CFAP36: variants seen among roughly 807,000 people sequenced by gnomAD.
The protein encoded by CFAP36 is cilia- and flagella-associated protein 36.
A neutral mutation model predicts 50.5 loss-of-function variants in CFAP36; 37 were observed. That is an observed-to-expected ratio of 0.73 (90% CI 0.56 to 0.96). The LOEUF (loss-of-function observed/expected upper bound fraction) is 0.96. CFAP36 is among the 50% of genes least tolerant of loss of function. CFAP36 has a pLI of 0.00. For synonymous variants in CFAP36, 138 were observed against 128.2 expected, an observed-to-expected ratio of 1.08 and a Z score of -0.52; for missense variants, 407 against 396.2, an observed-to-expected ratio of 1.03 and a Z score of -0.23.
At position 55,544,215 on chromosome 2, in the gene CFAP36, C is replaced by T. The variant is rs1282387545; in HGVS notation, c.778-5C>T. 1 of 1,611,960 alleles carries T rather than the reference C, an allele frequency of 6.2e-7. No homozygotes were observed. The highest frequency in any genetic ancestry group is 1.7e-5 in the Admixed American group (1 of 59,362). ...TTAGATAGCTCCTTTTCTTACTTGA[C>T]CCAGAACTTATCAGTACTTGGAACA... On this transcript the variant is annotated splice_region_variant and splice_polypyrimidine_tract_variant and intron_variant, in intron 8 of 9. Transcript: ENST00000349456.
At chr2:55,521,038 A>C (rs1209364638) in intron 1 of CFAP36, among the ~76,000 whole-genome samples, 1 of 152,212 alleles carries the variant, frequency 6.6e-6, no homozygotes, top group South Asian at 2.1e-4. Flanking sequence ...TTAAATTCCA[A>C]GATATCATGA....
At chr2:55,535,832 T>C in intron 6 of CFAP36, 69 bp downstream of exon 6, 1 of 1,493,320 alleles carries the variant, frequency 6.7e-7, no homozygotes, top group Middle Eastern at 1.8e-4. Flanking sequence ...ACCTAGATCT[T>C]ACTATTAAAA....
At chr2:55,542,740 C>G (rs1384733330) in intron 7 of CFAP36, among the ~76,000 whole-genome samples, 1 of 152,208 alleles carries the variant, frequency 6.6e-6, no homozygotes, top group Non-Finnish European at 1.5e-5. Flanking sequence ...ATTATTTGAA[C>G]TGTCCCTTCT....
intron 9 of CFAP36, among the ~76,000 whole-genome samples, 154 bp from the exon 10 acceptor site, chr2:55,544,753 G>A (rs1198720229): frequency 1.3e-5 from 2 of 152,084 alleles, no homozygotes; most frequent in East Asian, 1.9e-4. Flanking sequence ...GAGACTTTAC[G>A]AAGAAGAGAT....
chr2:55,526,898 C>A (rs556774935), intron 3 of CFAP36, among the ~76,000 whole-genome samples: 1 of 152,156 alleles, frequency 6.6e-6, no homozygotes, highest in African/African-American at 2.4e-5. Context: ...CATGGTGACA[C>A]GCTGCTGTAG....
At chr2:55,530,786 T>A (rs4671247) in intron 4 of CFAP36, among the ~76,000 whole-genome samples, 13,602 of 152,278 alleles carry the variant, frequency 0.089, 747 homozygotes, top group South Asian at 0.14. Flanking sequence ...TAGATTGCCA[T>A]GATATTTTTT....
chr2:55,536,791 C>G (rs1162812894), intron 6 of CFAP36, among the ~76,000 whole-genome samples: 1 of 151,732 alleles, frequency 6.6e-6, no homozygotes, highest in Non-Finnish European at 1.5e-5. Flanking sequence ...ATTGCCCAGG[C>G]TAGAGTGCAG....
Position 55,539,096 on chromosome 2 carries a change from G to A in CFAP36, c.640+1511G>A, listed in dbSNP as rs956292560. The A allele has an allele frequency of 3.5e-5, 11 of 318,248 alleles. No homozygotes were observed. The Admixed American group carries it at 4.0e-4, about 12-fold the overall frequency. 19.7% of individuals were successfully genotyped at this position (318,248 alleles called of 1,614,324 possible). On this transcript the variant is annotated intron_variant, in intron 7 of 9. Transcript: ENST00000349456. ...CAAAAGTAGTACATTTGTTACGTTG[G>A]TGAACCTTCCTTGACACAACATTAC...
intron 4 of CFAP36, among the ~76,000 whole-genome samples, chr2:55,530,190 G>C (rs1684318587): frequency 6.6e-6 from 1 of 152,070 alleles, no homozygotes; most frequent in Non-Finnish European, 1.5e-5. Flanking sequence ...AGATCTGATG[G>C]TTTTGGGAAA....
intron 9 of CFAP36, 127 bp from the exon 10 acceptor site, chr2:55,544,780 A>C (rs1378986354): frequency 4.7e-6 from 3 of 634,206 alleles, no homozygotes; most frequent in African/African-American, 1.8e-5. Flanking sequence ...AACCTAGTCT[A>C]TGTCTGTCTC....
intron 9 of CFAP36, 45 bp from the exon 10 acceptor site, chr2:55,544,862 A>AT (rs769079058): frequency 3.1e-6 from 4 of 1,300,470 alleles, no homozygotes; most frequent in Non-Finnish European, 4.3e-6. Context: ...TTTTAGACAA[A>AT]TTACCCTATT....
chr2:55,530,215 C>T (rs1684318993), intron 4 of CFAP36, among the ~76,000 whole-genome samples: 1 of 152,120 alleles, frequency 6.6e-6, no homozygotes, highest in Admixed American at 6.5e-5. Flanking sequence ...AGTCTTCCTG[C>T]ACAAGCTCTC....
chr2:55,527,031 A>C (rs1031609387), intron 3 of CFAP36, among the ~76,000 whole-genome samples: 3 of 150,594 alleles, frequency 2.0e-5, no homozygotes, highest in Non-Finnish European at 4.4e-5. Flanking sequence ...CTGTCTCTAA[A>C]ATAATAATAA....
Position 55,533,511 on chromosome 2 carries a change from C to T in CFAP36, c.398-362C>T, listed in dbSNP as rs200981872. The stretch of plus-strand genomic sequence containing the variant: ...TTGAGGTCAGGAGTTTGAGACCAGC[C>T]TGCCGACATGGTGAAACCCCATCTC... On this transcript the variant is annotated intron_variant, in intron 4 of 9. Coordinates refer to ENST00000349456, the MANE Select transcript of CFAP36 (RefSeq NM_080667.7). 2.6e-5 allele frequency among the ~76,000 whole-genome samples: 4 copies of T among 151,972 alleles called. No individual in the cohort carries two copies. In the East Asian group the frequency reaches 7.7e-4, roughly 29 times the overall value.
chr2:55,541,644 CA>C (rs1574626930), intron 7 of CFAP36, among the ~76,000 whole-genome samples: 2 of 152,260 alleles, frequency 1.3e-5, no homozygotes, highest in African/African-American at 4.8e-5. Context: ...ATGTGTTCTG[CA>C]AATAAAGACA....
chr2:55,533,477 G>A (rs1463254324), intron 4 of CFAP36, among the ~76,000 whole-genome samples: 1 of 152,018 alleles, frequency 6.6e-6, no homozygotes, highest in Non-Finnish European at 1.5e-5. Context: ...GCCGAGGGGG[G>A]CAGATGACTT....
At chr2:55,533,069 C>T (rs908003555) in intron 4 of CFAP36, among the ~76,000 whole-genome samples, 1 of 152,206 alleles carries the variant, frequency 6.6e-6, no homozygotes, top group African/African-American at 2.4e-5. Flanking sequence ...GGTTTTATTA[C>T]ACATAGTAAG....
In CFAP36 at chr2:55,542,708, A is replaced by G. The variant is rs564161439; in HGVS notation, c.641-1230A>G. On this transcript the variant is annotated intron_variant, in intron 7 of 9. Coordinates refer to ENST00000349456, the MANE Select transcript of CFAP36 (RefSeq NM_080667.7). ...GAGTGGAATATAAATGCTTATATGT[A>G]TGGGTTCCCCCCTCCTCAGGAATTA... Among the ~76,000 whole-genome samples the G allele has an allele frequency of 2.0e-5, 3 of 152,326 alleles. No individual in the cohort carries two copies. The East Asian group carries it at 5.8e-4, about 29-fold the overall frequency.
At chr2:55,535,589 T>G in intron 5 of CFAP36, 123 bp from the exon 6 acceptor site, 1 of 712,676 alleles carries the variant, frequency 1.4e-6, no homozygotes, top group Non-Finnish European at 2.2e-6. Context: ...CTTGATTATC[T>G]TCCATCTTTG....
Sources: allele counts gnomAD v4.1 joint callset (sites outside exome capture counted in the v4.1 genomes callset), GRCh38; gene constraint gnomAD v4.1.1; transcripts MANE v1.5; gene names NCBI Gene and HGNC (gene_info 2026-07-23, HGNC 2026-07-21).